Variants in FOXP1 observed in about 807,000 individuals in gnomAD.
The protein encoded by FOXP1 is forkhead box P1.
Under a neutral mutation model 98.2 loss-of-function variants are expected in FOXP1, and 15 were observed. The observed-to-expected ratio is 0.15, with a 90% CI of 0.10 to 0.24. The LOEUF (loss-of-function observed/expected upper bound fraction) is 0.24, where lower values mean the gene tolerates loss of function less well. FOXP1 is among the 10% of genes least tolerant of loss of function. The probability of loss-of-function intolerance (pLI) is 1.00; values close to 1 mark genes in which losing one functional copy is unlikely to be tolerated. For missense variants in FOXP1, 633 were observed against 848.5 expected, an observed-to-expected ratio of 0.75 and a Z score of 3.15; for synonymous variants, 371 against 314.5, an observed-to-expected ratio of 1.18 and a Z score of -1.90.
chr3:71,542,006 A>G (rs778622021), intron 2 of FOXP1: 4 of 534,426 alleles, frequency 7.5e-6, no homozygotes, highest in Non-Finnish European at 1.5e-5. Flanking sequence ...AGTTTCCAAT[A>G]CAAACATGGG....
intron 4 of FOXP1, among the ~76,000 whole-genome samples, chr3:71,339,565 A>G (rs2076892743): frequency 6.6e-6 from 1 of 152,262 alleles, no homozygotes; most frequent in African/African-American, 2.4e-5. Flanking sequence ...TCATTAAAAA[A>G]TTGGGCTCTA....
At chr3:70,992,831 G>T (rs1474805875) in intron 13 of FOXP1, among the ~76,000 whole-genome samples, 1 of 152,150 alleles carries the variant, frequency 6.6e-6, no homozygotes, top group East Asian at 1.9e-4. Flanking sequence ...ATGGAAGTGA[G>T]AAACCCAGAG....
At chr3:70,972,163 G>A in intron 18 of FOXP1, 1 of 1,528,200 alleles carries the variant, frequency 6.5e-7, no homozygotes, top group South Asian at 1.2e-5. Context: ...GCAGTGAGAG[G>A]TTGGTGCGAA....
At chr3:71,345,890 A>G (rs914725871) in intron 4 of FOXP1, among the ~76,000 whole-genome samples, 1 of 148,850 alleles carries the variant, frequency 6.7e-6, no homozygotes, top group South Asian at 2.1e-4. Context: ...AAAAAAAAAA[A>G]AAAAAAAAGA....
chr3:71,004,675 C>A (rs1014935584), intron 12 of FOXP1, among the ~76,000 whole-genome samples: 1 of 152,068 alleles, frequency 6.6e-6, no homozygotes, highest in African/African-American at 2.4e-5. Context: ...AATATTTTAA[C>A]TAAAAATTCA....
intron 3 of FOXP1, among the ~76,000 whole-genome samples, chr3:71,445,342 A>AT (rs1436496327): frequency 1.3e-5 from 2 of 152,334 alleles, no homozygotes; most frequent in East Asian, 3.9e-4. Context: ...AGCAATGTAA[A>AT]TGGCAGCTCA....
chr3:71,374,488 G>A (rs1294412141), intron 3 of FOXP1, among the ~76,000 whole-genome samples: 1 of 152,096 alleles, frequency 6.6e-6, no homozygotes, highest in Non-Finnish European at 1.5e-5. Flanking sequence ...AGCTACTTGG[G>A]AGGCTGAGGC....
chr3:71,196,227 A>G (rs2063291800), intron 6 of FOXP1, among the ~76,000 whole-genome samples: 1 of 152,242 alleles, frequency 6.6e-6, no homozygotes. Flanking sequence ...TCAATAACCC[A>G]TAACAACAAA....
intron 17 of FOXP1, among the ~76,000 whole-genome samples, chr3:70,976,281 T>TGAGCTCAAGTGATCCTCTTGC (rs1237169848): frequency 2.6e-5 from 4 of 152,148 alleles, no homozygotes; most frequent in African/African-American, 9.7e-5. Context: ...CTCTAACTCC[T>TGAGCTCAAGTGATCCTCTTGC]GAGCTCAAGT....
intron 5 of FOXP1, among the ~76,000 whole-genome samples, chr3:71,207,909 T>C (rs950333127): frequency 6.6e-6 from 1 of 152,140 alleles, no homozygotes; most frequent in African/African-American, 2.4e-5. Flanking sequence ...TTGCTTTACT[T>C]AACTAGAAAT....
At chr3:71,169,502 C>G (rs1380196779) in intron 6 of FOXP1, among the ~76,000 whole-genome samples, 1 of 152,102 alleles carries the variant, frequency 6.6e-6, no homozygotes, top group Non-Finnish European at 1.5e-5. Flanking sequence ...CCTCATGTTC[C>G]TTTAGTAAAA....
At chr3:71,311,901 C>A (rs1014261900) in intron 4 of FOXP1, among the ~76,000 whole-genome samples, 7 of 152,274 alleles carry the variant, frequency 4.6e-5, no homozygotes, top group East Asian at 1.9e-4. Context: ...CTGATATCTG[C>A]AGATCCCAGC....
At chr3:71,078,777 G>A (rs953110779) in intron 7 of FOXP1, among the ~76,000 whole-genome samples, 1 of 151,914 alleles carries the variant, frequency 6.6e-6, no homozygotes, top group Non-Finnish European at 1.5e-5. Context: ...AAAAAGAGGA[G>A]GACGAGGAAA....
chr3:71,183,678 GTGGCAGAGCCA>G (rs2062471157), intron 6 of FOXP1, among the ~76,000 whole-genome samples: 1 of 152,196 alleles, frequency 6.6e-6, no homozygotes. Flanking sequence ...CAACTAGCAA[GTGGCAGAGCCA>G]TGACTCAGGC....
chr3:71,320,355 C>T (rs755071349), intron 4 of FOXP1, among the ~76,000 whole-genome samples: 15 of 151,818 alleles, frequency 9.9e-5, no homozygotes, highest in Middle Eastern at 6.8e-3. Flanking sequence ...ACTTTTTTTG[C>T]GGCTCTGGAA....
chr3:71,121,888 G>C (rs960155378), intron 6 of FOXP1, among the ~76,000 whole-genome samples: 8 of 152,028 alleles, frequency 5.3e-5, no homozygotes, highest in African/African-American at 1.9e-4. Context: ...AAAAACTTGG[G>C]GTCAAATGCA....
At chr3:71,379,934 A>G (rs1159689943) in intron 3 of FOXP1, among the ~76,000 whole-genome samples, 1 of 152,246 alleles carries the variant, frequency 6.6e-6, no homozygotes, top group Non-Finnish European at 1.5e-5. Flanking sequence ...TTTAAGGAAC[A>G]ATGTAAAGCC....
intron 2 of FOXP1, chr3:71,570,189 C>G (rs1278219487): frequency 6.6e-6 from 1 of 152,132 alleles, no homozygotes; most frequent in Non-Finnish European, 1.5e-5. Context: ...AAAGTGGCCC[C>G]CACTGCCTCC....
chr3:71,279,357 A>G (rs2071269325), intron 5 of FOXP1, among the ~76,000 whole-genome samples: 1 of 152,104 alleles, frequency 6.6e-6, no homozygotes, highest in Admixed American at 6.5e-5. Flanking sequence ...CTTCTCAACT[A>G]GGGCAATTTT....
Sources: allele counts gnomAD v4.1 joint callset (sites outside exome capture counted in the v4.1 genomes callset), GRCh38; gene constraint gnomAD v4.1.1; transcripts MANE v1.5; gene names NCBI Gene and HGNC (gene_info 2026-07-23, HGNC 2026-07-21).